PDE7A: variants seen among roughly 807,000 people sequenced by gnomAD.
PDE7A encodes phosphodiesterase 7A.
Under a neutral mutation model 64.3 loss-of-function variants are expected in PDE7A, and 39 were observed. The observed-to-expected ratio is 0.61, with a 90% CI of 0.47 to 0.79. PDE7A has a LOEUF of 0.79. Among genes scored for constraint, PDE7A ranks in the 30% least tolerant of loss-of-function variants. The pLI is 0.00. For synonymous variants in PDE7A, 203 were observed against 206.8 expected (o/e 0.98, Z 0.16); for missense variants, 470 against 582.8 (o/e 0.81, Z 1.99).
intron 1 of PDE7A, among the ~76,000 whole-genome samples, chr8:65,834,211 AGAT>A (rs1322683671): frequency 6.6e-6 from 1 of 152,222 alleles, no homozygotes; most frequent in African/African-American, 2.4e-5. Context: ...CTCAACATGA[AGAT>A]GATGAGGTTC....
At chr8:65,756,452 ACTC>A (rs1328813105) in intron 3 of PDE7A, among the ~76,000 whole-genome samples, 2 of 148,398 alleles carry the variant, frequency 1.3e-5, no homozygotes, top group Non-Finnish European at 3.0e-5. Flanking sequence ...CTCTCTTTCT[ACTC>A]CTCAGAATGG....
At chr8:65,758,436 T>C (rs1185390029) in intron 3 of PDE7A, among the ~76,000 whole-genome samples, 1 of 152,226 alleles carries the variant, frequency 6.6e-6, no homozygotes, top group East Asian at 1.9e-4. Flanking sequence ...GTTATACTAG[T>C]GCACTTCTCC....
intron 1 of PDE7A, among the ~76,000 whole-genome samples, chr8:65,835,604 G>T (rs780910260): frequency 3.9e-5 from 6 of 152,192 alleles, no homozygotes; most frequent in Non-Finnish European, 7.4e-5. Context: ...TGAAGGAAGA[G>T]GAGGGAAGAG....
intron 5 of PDE7A, among the ~76,000 whole-genome samples, chr8:65,742,165 G>C (rs1045298900): frequency 1.3e-5 from 2 of 152,176 alleles, no homozygotes; most frequent in African/African-American, 4.8e-5. Flanking sequence ...AAAGAAAATT[G>C]TATTTTTAGA....
intron 1 of PDE7A, among the ~76,000 whole-genome samples, chr8:65,820,212 A>T (rs1810507864): frequency 6.6e-6 from 1 of 152,224 alleles, no homozygotes; most frequent in South Asian, 2.1e-4. Flanking sequence ...CCTAGCCAAC[A>T]TGGCAAAATC....
intron 6 of PDE7A, among the ~76,000 whole-genome samples, chr8:65,738,661 G>A (rs1249056407): frequency 6.6e-6 from 1 of 152,018 alleles, no homozygotes; most frequent in Non-Finnish European, 1.5e-5. Flanking sequence ...TCCAACTCGT[G>A]GCCTCACGTG....
Position 65,715,482 on chromosome 8 carries a change from A to G in PDE7A, c.*3808T>C, listed in dbSNP as rs1309142506. 1.3e-5 allele frequency among the ~76,000 whole-genome samples: 2 copies of G among 151,564 alleles called. No individual in the cohort carries two copies. Among genetic ancestry groups the G allele is most frequent in the South Asian group, 2.1e-4 (1 of 4,794 alleles). On this transcript the variant is annotated 3_prime_UTR_variant, in exon 13 of 13. Coordinates refer to ENST00000401827, the MANE Select transcript of PDE7A (RefSeq NM_001242318.3). ...AACCTCCGCCACCTGGGTTCAAGCA[A>G]TTCTTCCGCCTCAGCCTCCCGAGTA... is the stretch of plus-strand genomic sequence containing the variant.
intron 1 of PDE7A, among the ~76,000 whole-genome samples, chr8:65,801,785 A>G (rs952282046): frequency 2.6e-5 from 4 of 152,224 alleles, no homozygotes; most frequent in African/African-American, 9.6e-5. Flanking sequence ...AAAGGCAATT[A>G]AGACTAACAG....
chr8:65,734,932 G>GT, intron 6 of PDE7A, 38 bp from the exon 7 acceptor site: 6 of 1,263,786 alleles, frequency 4.7e-6, no homozygotes, highest in Non-Finnish European at 5.8e-6. Flanking sequence ...TATTGTATAT[G>GT]AGCAACATAT....
intron 1 of PDE7A, among the ~76,000 whole-genome samples, chr8:65,817,440 C>T (rs1299106932): frequency 6.9e-6 from 1 of 144,186 alleles, no homozygotes; most frequent in African/African-American, 2.8e-5. Context: ...TGCAACAAAA[C>T]AAAAATATAG....
chr8:65,734,191 T>G (rs1466287522), intron 7 of PDE7A, among the ~76,000 whole-genome samples: 2 of 152,176 alleles, frequency 1.3e-5, no homozygotes, highest in Non-Finnish European at 2.9e-5. Flanking sequence ...CCTCCTCTCA[T>G]GGAAGACTTC....
intron 1 of PDE7A, among the ~76,000 whole-genome samples, chr8:65,834,239 A>G (rs77295491): frequency 0.063 from 9,560 of 152,206 alleles, 378 homozygotes; most frequent in Middle Eastern, 0.11. Context: ...AGACCTTTAC[A>G]ACGATCCACC....
rs200857308 is a variant in PDE7A at position 65,719,368 on chromosome 8, T to G, written c.1371A>C (p.Glu457Asp). Residue 457 changes from glutamate (E) to aspartate (D), a missense_variant, in exon 13 of 13, where the codon GAA becomes GAC. By Grantham distance (45) the Glu-to-Asp change is conservative (BLOSUM62 2). Transcript: ENST00000401827. ...NKASWKGLQR[E>D]QSSSEDTDAA... ...CATCAGTGTCCTCACTGCTCGACTG[T>G]TCTCTCTGCAGTCCCTTCCAGCTGG... 1.2e-6 allele frequency: 2 copies of G among 1,613,994 alleles called. No individual in the cohort carries two copies. Among genetic ancestry groups the G allele is most frequent in the Non-Finnish European group, 1.7e-6 (2 of 1,179,830 alleles).
chr8:65,734,666 T>C, intron 7 of PDE7A, 128 bp downstream of exon 7: 1 of 630,922 alleles, frequency 1.6e-6, no homozygotes, highest in South Asian at 2.0e-5. Context: ...TTGATCCAGC[T>C]AGATCTCATT....
At chr8:65,786,888 G>A (rs113749281) in intron 1 of PDE7A, among the ~76,000 whole-genome samples, 71 of 152,294 alleles carry the variant, frequency 4.7e-4, no homozygotes, top group African/African-American at 1.4e-3. Flanking sequence ...GCACAAACAA[G>A]TTAAACTGTA....
At chr8:65,765,822 AT>A (rs1193198566) in intron 3 of PDE7A, 1 of 152,258 alleles carries the variant, frequency 6.6e-6, no homozygotes, top group Non-Finnish European at 1.5e-5. Context: ...GGCATGCATA[AT>A]GGGATTATAA....
rs186896198 is a variant in PDE7A, at chr8:65,784,836, A to G, written c.139-1993T>C. ...CTATTCACAAGGTTAAAAAAAATAT[A>G]AAAAAATGCTTGACTTCATTAACTA... is the stretch of plus-strand genomic sequence containing the variant. On this transcript the variant is annotated intron_variant, in intron 1 of 12. Transcript: ENST00000401827. Among the ~76,000 whole-genome samples, 43 of 152,124 alleles carry G rather than the reference A, an allele frequency of 2.8e-4. 1 individual carries two copies. Among genetic ancestry groups the G allele is most frequent in the Admixed American group, 1.2e-3 (18 of 15,268 alleles).
intron 5 of PDE7A, among the ~76,000 whole-genome samples, chr8:65,744,723 T>TA (rs1807594700): frequency 6.6e-6 from 1 of 152,078 alleles, no homozygotes; most frequent in African/African-American, 2.4e-5. Context: ...AAAATAAAAA[T>TA]AAAAAACATG....
chr8:65,760,613 C>T (rs1446073763), intron 3 of PDE7A, among the ~76,000 whole-genome samples: 2 of 152,136 alleles, frequency 1.3e-5, no homozygotes, highest in African/African-American at 4.8e-5. Context: ...GGATCAAGAA[C>T]TATAAATCAA....
Sources: allele counts gnomAD v4.1 joint callset (sites outside exome capture counted in the v4.1 genomes callset), GRCh38; gene constraint gnomAD v4.1.1; transcripts MANE v1.5; gene names NCBI Gene and HGNC (gene_info 2026-07-23, HGNC 2026-07-21).